The following EXOC6 variants were observed in gnomAD, a reference collection of about 807,000 sequenced individuals.
The protein encoded by EXOC6 is SEC15-like 1.
EXOC6 carries 60 observed loss-of-function variants against 112.5 expected under a neutral mutation model. That is an observed-to-expected ratio of 0.53 (90% CI 0.43 to 0.66). The LOEUF (loss-of-function observed/expected upper bound fraction) is 0.66. Ranked by LOEUF, EXOC6 falls within the 30% of genes least tolerant of loss-of-function variation. The pLI is 0.00. For synonymous variants in EXOC6, 295 were observed against 308.0 expected (o/e 0.96, Z 0.44); for missense variants, 855 against 957.1 (o/e 0.89, Z 1.41).
rs569179703 is a variant in EXOC6, at chr10:92,894,820, G to A, written c.300G>A (p.Arg100=). 6.2e-6 allele frequency: 10 copies of A among 1,613,504 alleles called. No individual in the cohort carries two copies. The African/African-American group carries it at 1.1e-4, about 17-fold the overall frequency. The change falls in exon 3 of 22, where the codon AGG becomes AGA. Residue 100 remains arginine (R), a synonymous_variant. Coordinates refer to ENST00000260762, the MANE Select transcript of EXOC6 (RefSeq NM_019053.6). The part of the protein sequence containing the change: ...LKVQVTDTNR[R]FQDAGKEVIV... ...TGCAAGTTACTGATACCAACCGAAG[G>A]TTTCAAGATGCTGGAAAAGAGGTGA...
intron 1 of EXOC6, among the ~76,000 whole-genome samples, chr10:92,839,051 C>T (rs1051399272): frequency 2.6e-5 from 4 of 151,118 alleles, no homozygotes; most frequent in African/African-American, 4.9e-5. Flanking sequence ...CTGGCCCGGG[C>T]GACAGAGTGA....
In EXOC6 at chr10:93,021,159, C is replaced by T. The variant is rs186117355; in HGVS notation, c.2169+6892C>T. The stretch of plus-strand genomic sequence containing the variant: ...TTCACTACCCTCCTAAAATCATCCA[C>T]ACTTTCCCCATCTCCCTTTCCCATA... On this transcript the variant is annotated intron_variant, in intron 20 of 21. Coordinates refer to ENST00000260762, the MANE Select transcript of EXOC6 (RefSeq NM_019053.6). Among the ~76,000 whole-genome samples, 7 of 151,966 alleles carry T rather than the reference C, an allele frequency of 4.6e-5. No homozygotes were observed. In the South Asian group the frequency reaches 1.5e-3, roughly 32 times the overall value.
chr10:92,952,477 AT>A, intron 15 of EXOC6, 95 bp downstream of exon 15: 1 of 787,360 alleles, frequency 1.3e-6, no homozygotes, highest in Non-Finnish European at 2.2e-6. Flanking sequence ...CTCAACTTTT[AT>A]TTTAGATTCA....
chr10:93,042,700 A>G (rs1056287977), intron 20 of EXOC6, among the ~76,000 whole-genome samples: 2 of 152,162 alleles, frequency 1.3e-5, no homozygotes, highest in Non-Finnish European at 2.9e-5. Flanking sequence ...TTTATAAGTC[A>G]CTCGATCTGT....
chr10:92,887,390 ATT>A lies in EXOC6; in HGVS notation c.102-5937_102-5936del, dbSNP rs11304638. 9.0e-3 allele frequency among the ~76,000 whole-genome samples: 751 copies of A among 83,786 alleles called. 7 individuals are homozygous for A. Among genetic ancestry groups the A allele is most frequent in the African/African-American group, 0.033 (648 of 19,494 alleles). 55.0% of individuals were successfully genotyped at this position (83,786 alleles called of 152,430 possible). On this transcript the variant is annotated intron_variant, in intron 1 of 21. Coordinates refer to ENST00000260762, the MANE Select transcript of EXOC6 (RefSeq NM_019053.6). ...TCAACTACTTGTAGTGATTAATTTAATTTTTTTTTTTTTTTTTTTTTTTGGAG... is the reference window on the plus strand; with the variant it reads ...TCAACTACTTGTAGTGATTAATTTAATTTTTTTTTTTTTTTTTTTTTGGAG...
intron 20 of EXOC6, among the ~76,000 whole-genome samples, chr10:93,018,699 A>G (rs1202861325): frequency 2.0e-5 from 3 of 152,070 alleles, no homozygotes; most frequent in Non-Finnish European, 4.4e-5. Flanking sequence ...CAGACAAATC[A>G]GTGGGAGAAA....
chr10:92,829,103 C>T (rs1006546738), intron 1 of EXOC6, among the ~76,000 whole-genome samples: 4 of 152,140 alleles, frequency 2.6e-5, no homozygotes, highest in African/African-American at 9.7e-5. Flanking sequence ...TAAGCATGTT[C>T]AAAATGACTG....
At chr10:92,971,882 C>T (rs539852345) in intron 17 of EXOC6, among the ~76,000 whole-genome samples, 1 of 152,202 alleles carries the variant, frequency 6.6e-6, no homozygotes, top group South Asian at 2.1e-4. Flanking sequence ...TTGTTGATAA[C>T]TGTACATTTA....
At chr10:92,865,710 G>A (rs569123032) in intron 1 of EXOC6, among the ~76,000 whole-genome samples, 2 of 152,080 alleles carry the variant, frequency 1.3e-5, no homozygotes, top group Non-Finnish European at 2.9e-5. Flanking sequence ...GCCTCCCAAA[G>A]TGCTGGCCTG....
At chr10:92,893,662 G>A (rs1849614431) in intron 2 of EXOC6, 142 bp downstream of exon 2, 5 of 635,382 alleles carry the variant, frequency 7.9e-6, no homozygotes, top group Non-Finnish European at 1.3e-5. Context: ...TGCTCTTTAT[G>A]CTCTATTAAC....
At chr10:92,930,634 G>A (rs1851976176) in intron 9 of EXOC6, among the ~76,000 whole-genome samples, 1 of 151,754 alleles carries the variant, frequency 6.6e-6, no homozygotes, top group Non-Finnish European at 1.5e-5. Context: ...ACAATTAAAG[G>A]GGATCATCGA....
At chr10:93,019,580 G>A (rs984205816) in intron 20 of EXOC6, among the ~76,000 whole-genome samples, 3 of 152,090 alleles carry the variant, frequency 2.0e-5, no homozygotes, top group Admixed American at 1.3e-4. Context: ...CCAAGGATTT[G>A]ACTAAAATGT....
At chr10:92,914,202 G>C (rs1589821561) in intron 6 of EXOC6, among the ~76,000 whole-genome samples, 1 of 152,158 alleles carries the variant, frequency 6.6e-6, no homozygotes, top group African/African-American at 2.4e-5. Flanking sequence ...ATTGTGAACT[G>C]TGCATGCGGG....
At chr10:92,947,633 G>A (rs563502512) in intron 13 of EXOC6, among the ~76,000 whole-genome samples, 1 of 152,336 alleles carries the variant, frequency 6.6e-6, no homozygotes, top group South Asian at 2.1e-4. Flanking sequence ...CAGGAGGCTG[G>A]GCACAGTGGC....
chr10:92,896,668 A>T (rs1368378274), intron 4 of EXOC6, among the ~76,000 whole-genome samples: 1 of 151,432 alleles, frequency 6.6e-6, no homozygotes, highest in Non-Finnish European at 1.5e-5. Flanking sequence ...GTTCACTGCA[A>T]CCTCAGCCTC....
intron 17 of EXOC6, among the ~76,000 whole-genome samples, chr10:92,964,136 A>G (rs994626497): frequency 6.6e-6 from 1 of 151,896 alleles, no homozygotes; most frequent in African/African-American, 2.4e-5. Flanking sequence ...TTGATTTTTA[A>G]GTACTAAATG....
At chr10:92,828,704 G>C (rs1846424174) in intron 1 of EXOC6, among the ~76,000 whole-genome samples, 2 of 69,218 alleles carry the variant, frequency 2.9e-5, no homozygotes, top group Admixed American at 3.3e-4. Context: ...GTGTGTGTGT[G>C]TGTGTGTGTG....
intron 8 of EXOC6, among the ~76,000 whole-genome samples, chr10:92,927,759 T>C (rs953050185): frequency 6.6e-6 from 1 of 152,104 alleles, no homozygotes; most frequent in African/African-American, 2.4e-5. Context: ...ATAACAAGCC[T>C]TCAGAAGTTA....
intron 9 of EXOC6, 79 bp from the exon 10 acceptor site, chr10:92,934,065 G>A (rs1371160122): frequency 1.2e-6 from 1 of 823,460 alleles, no homozygotes. Context: ...ATTTGTTAAT[G>A]AAGTTGTAGT....
Sources: gnomAD v4.1 joint callset for allele counts (sites outside exome capture counted in the v4.1 genomes callset) on GRCh38, gnomAD v4.1.1 for gene constraint, MANE v1.5 for transcripts, NCBI Gene and HGNC (gene_info 2026-07-23, HGNC 2026-07-21) for gene names.